Variants in LYVE1 observed in about 807,000 individuals in gnomAD.
The protein encoded by LYVE1 is lymphatic vessel endothelial hyaluronan receptor 1.
Under a neutral mutation model 31.5 loss-of-function variants are expected in LYVE1, and 29 were observed. That is an observed-to-expected ratio of 0.92 (90% CI 0.69 to 1.26). LYVE1 has a LOEUF of 1.26. Ranked by LOEUF, LYVE1 falls within the 50% of genes most tolerant of loss-of-function variation. The pLI is 0.00. For missense variants in LYVE1, 376 were observed against 380.2 expected (o/e 0.99, Z 0.09); for synonymous variants, 134 against 139.4 (o/e 0.96, Z 0.27).
intron 3 of LYVE1, 104 bp downstream of exon 3, chr11:10,563,836 C>T (rs1052335211): frequency 1.4e-6 from 2 of 1,415,270 alleles, no homozygotes; most frequent in African/African-American, 1.4e-5. Flanking sequence ...ATGGCCGTGG[C>T]TGTGATTGCT....
Position 10,559,276 on chromosome 11 carries a change from A to G in LYVE1, c.804T>C (p.Phe268=), listed in dbSNP as rs955489515. Residue 268 remains phenylalanine (F), a synonymous_variant, in exon 6 of 6, where the codon TTT becomes TTC. Coordinates refer to ENST00000256178, the MANE Select transcript of LYVE1 (RefSeq NM_006691.4). ...YVKRYVKAFP[F]TNKNQQKEMI... ...TTTCCTTCTGCTGATTCTTGTTTGT[A>G]AAAGGGAAGGCCTTCACATACCTTT... is the stretch of plus-strand genomic sequence containing the variant. 9.3e-6 allele frequency: 15 copies of G among 1,613,906 alleles called. No homozygotes were observed. The highest frequency in any genetic ancestry group is 1.3e-5 in the Non-Finnish European group (15 of 1,179,930).
chr11:10,559,015 C>G lies in LYVE1; in HGVS notation c.*96G>C, dbSNP rs985700100. 5.1e-6 allele frequency: 6 copies of G among 1,173,994 alleles called. No homozygotes were observed. The highest frequency in any genetic ancestry group is 7.3e-6 in the Non-Finnish European group (6 of 820,618). The allele number at this position is 1,173,994 out of a possible 1,614,324, so 72.7% of individuals were successfully genotyped here. On this transcript the variant is annotated 3_prime_UTR_variant, in exon 6 of 6. Coordinates refer to ENST00000256178, the MANE Select transcript of LYVE1 (RefSeq NM_006691.4). ...TTAGGAACCAAGGGTGGACTTTCTTCTTTGGTTCTTTGGCCCTTTTGATTT... is the reference window on the plus strand; with the variant it reads ...TTAGGAACCAAGGGTGGACTTTCTTGTTTGGTTCTTTGGCCCTTTTGATTT...
In LYVE1 at chr11:10,557,118, T is replaced by C. The variant is rs1850333107; in HGVS notation, c.*1993A>G. Reference sequence around the variant, plus strand: ...TACTGGGGCAGGCAGGTGATATATATGAGGGACGTGGGCTGGGTGTGAAGA... The same window carrying C: ...TACTGGGGCAGGCAGGTGATATATACGAGGGACGTGGGCTGGGTGTGAAGA... On this transcript the variant is annotated 3_prime_UTR_variant, in exon 6 of 6. Coordinates refer to ENST00000256178, the MANE Select transcript of LYVE1 (RefSeq NM_006691.4). 6.6e-6 allele frequency: 1 copy of C among 152,076 alleles called. No individual in the cohort carries two copies. The highest frequency in any genetic ancestry group is 2.4e-5 in the African/African-American group (1 of 41,410). 9.4% of individuals were successfully genotyped at this position (152,076 alleles called of 1,614,324 possible). A position where few individuals can be genotyped will look rare whatever the true frequency, so the allele number is the denominator to read the frequency against.
At chr11:10,563,208 C>T (rs1591515072) in intron 3 of LYVE1, among the ~76,000 whole-genome samples, 1 of 152,140 alleles carries the variant, frequency 6.6e-6, no homozygotes, top group East Asian at 1.9e-4. Flanking sequence ...CTCGGCCTCC[C>T]AAAGTGCTGG....
In LYVE1 at chr11:10,560,522, A is replaced by T; in HGVS notation, c.676T>A (p.Phe226Ile). The change falls in exon 4 of 6, where the codon TTC becomes ATC. Residue 226 changes from phenylalanine to isoleucine, a missense_variant. Transcript: ENST00000256178. ...TEPFVENKAA[F>I]KNEAAGFGGV... ...CCAAACCCAGCAGCTTCATTCTTGAATGCTGCTTTATTTTCAACAAATGGT... is the reference window on the plus strand; with the variant it reads ...CCAAACCCAGCAGCTTCATTCTTGATTGCTGCTTTATTTTCAACAAATGGT... 1 of 1,611,176 alleles carries T rather than the reference A, an allele frequency of 6.2e-7. No homozygotes were observed. Among genetic ancestry groups the T allele is most frequent in the Non-Finnish European group, 8.5e-7 (1 of 1,178,152 alleles).
At chr11:10,563,441 G>A (rs1850472210) in intron 3 of LYVE1, among the ~76,000 whole-genome samples, 1 of 152,152 alleles carries the variant, frequency 6.6e-6, no homozygotes, top group Admixed American at 6.5e-5. Flanking sequence ...CATTGTATTA[G>A]GTATTATAAG....
Position 10,560,766 on chromosome 11 carries a change from G to A in LYVE1, c.432C>T (p.Ile144=). 6.2e-7 allele frequency: 1 copy of A among 1,612,844 alleles called. No individual in the cohort carries two copies. The highest frequency in any genetic ancestry group is 8.5e-7 in the Non-Finnish European group (1 of 1,178,942). The change falls in exon 4 of 6, where the codon ATC becomes ATT. Residue 144 remains isoleucine (I), a synonymous_variant. Transcript: ENST00000256178. ...TWTNSCIPEI[I]TTKDPIFNTQ... ...TGTTGAATATGGGATCTTTGGTGGTGATAATTTCTGGAATGCACGAGTTAG... is the reference window on the plus strand; with the variant it reads ...TGTTGAATATGGGATCTTTGGTGGTAATAATTTCTGGAATGCACGAGTTAG...
intron 3 of LYVE1, among the ~76,000 whole-genome samples, chr11:10,562,175 A>G (rs556768370): frequency 9.8e-5 from 15 of 152,330 alleles, no homozygotes; most frequent in African/African-American, 3.4e-4. Flanking sequence ...TTTGACAGGC[A>G]TGGGCTGGCT....
intron 4 of LYVE1, among the ~76,000 whole-genome samples, 190 bp from the exon 5 acceptor site, chr11:10,560,084 A>C (rs780495776): frequency 1.3e-5 from 2 of 152,014 alleles, no homozygotes; most frequent in African/African-American, 4.8e-5. Context: ...TGCTTCTCAC[A>C]CTCTCAATTC....
chr11:10,565,772 A>G (rs1850523923), intron 1 of LYVE1, among the ~76,000 whole-genome samples: 1 of 151,978 alleles, frequency 6.6e-6, no homozygotes, highest in African/African-American at 2.4e-5. Context: ...AGTAGCTGGA[A>G]CTACAGGTGT....
At chr11:10,559,931 C>G (rs1850386067) in intron 4 of LYVE1, 37 bp from the exon 5 acceptor site, 1 of 1,448,288 alleles carries the variant, frequency 6.9e-7, no homozygotes, top group African/African-American at 1.4e-5. Flanking sequence ...TGGTCCTTCA[C>G]TTAAACATTG....
At chr11:10,561,492 G>A (rs948633401) in intron 3 of LYVE1, among the ~76,000 whole-genome samples, 1 of 152,012 alleles carries the variant, frequency 6.6e-6, no homozygotes, top group Admixed American at 6.6e-5. Flanking sequence ...ATATTTCTGG[G>A]CTCATTAAAA....
chr11:10,568,322 G>A, intron 1 of LYVE1, 126 bp downstream of exon 1: 1 of 796,432 alleles, frequency 1.3e-6, no homozygotes, highest in Non-Finnish European at 1.9e-6. Flanking sequence ...TGGCAGAGCA[G>A]TACCACCAAT....
At chr11:10,566,183 C>T (rs770673022) in intron 1 of LYVE1, among the ~76,000 whole-genome samples, 1 of 151,990 alleles carries the variant, frequency 6.6e-6, no homozygotes, top group Non-Finnish European at 1.5e-5. Flanking sequence ...GATCCATGCT[C>T]ACTGCAACCT....
At chr11:10,559,939 T>G in intron 4 of LYVE1, 45 bp from the exon 5 acceptor site, 1 of 1,334,214 alleles carries the variant, frequency 7.5e-7, no homozygotes, top group Non-Finnish European at 1.1e-6. Context: ...CACTTAAACA[T>G]TGTGTGTAAT....
intron 1 of LYVE1, among the ~76,000 whole-genome samples, chr11:10,565,512 T>C (rs1043541031): frequency 6.6e-6 from 1 of 152,248 alleles, no homozygotes; most frequent in Non-Finnish European, 1.5e-5. Context: ...CTCAGTCAAA[T>C]GCTTTGACCA....
chr11:10,567,983 C>T (rs995654498), intron 1 of LYVE1, among the ~76,000 whole-genome samples: 2 of 152,024 alleles, frequency 1.3e-5, no homozygotes, highest in Non-Finnish European at 2.9e-5. Context: ...TCATGGTTTG[C>T]GTCTTCAATG....
chr11:10,567,177 T>G (rs1850559776), intron 1 of LYVE1, among the ~76,000 whole-genome samples: 1 of 152,242 alleles, frequency 6.6e-6, no homozygotes, highest in South Asian at 2.1e-4. Flanking sequence ...AAATTGTATA[T>G]ACACACCTAG....
chr11:10,568,579 G>GT lies in LYVE1; in HGVS notation c.-48dup. 6.3e-7 allele frequency: 1 copy of GT among 1,595,430 alleles called. No individual in the cohort carries two copies. Among genetic ancestry groups the GT allele is most frequent in the Non-Finnish European group, 8.5e-7 (1 of 1,169,860 alleles). On this transcript the variant is annotated 5_prime_UTR_variant, in exon 1 of 6. Coordinates refer to ENST00000256178, the MANE Select transcript of LYVE1 (RefSeq NM_006691.4). Reference sequence around the variant, plus strand: ...AGGGAAACACCTCAGATGGCCACTGGTGATATGAGAGGCAGATGCTCAATA... The same window carrying GT: ...AGGGAAACACCTCAGATGGCCACTGGTTGATATGAGAGGCAGATGCTCAATA...
Sources: allele counts gnomAD v4.1 joint callset (sites outside exome capture counted in the v4.1 genomes callset), GRCh38; gene constraint gnomAD v4.1.1; transcripts MANE v1.5; gene names NCBI Gene and HGNC (gene_info 2026-07-23, HGNC 2026-07-21).